The following MAOB variants were observed in gnomAD, a reference collection of about 807,000 sequenced individuals.
The protein encoded by MAOB is monoamine oxidase B, also known as amine oxidase [flavin-containing] B.
In MAOB, 15 loss-of-function variants were observed where a neutral mutation model predicts 41.9. The ratio of observed to expected loss-of-function variants is 0.36; its 90% CI spans 0.24 to 0.55. The LOEUF (loss-of-function observed/expected upper bound fraction) is 0.55, where lower values mean the gene tolerates loss of function less well. Among genes scored for constraint, MAOB ranks in the 20% least tolerant of loss-of-function variants. The pLI is 0.86. For missense variants in MAOB, 345 were observed against 398.7 expected (o/e 0.87, Z 1.15); for synonymous variants, 167 against 144.2 (o/e 1.16, Z -1.13).
intron 1 of MAOB, among the ~76,000 whole-genome samples, chrX:43,860,350 GT>G (rs1369537394): frequency 9.0e-6 from 1 of 111,455 alleles, no homozygotes. Flanking sequence ...GAGCTTTTAA[GT>G]TTCCTTTCCC....
intron 1 of MAOB, among the ~76,000 whole-genome samples, chrX:43,857,175 AGAG>A (rs1479002318): frequency 1.0e-4 from 9 of 88,306 alleles, no homozygotes; most frequent in Non-Finnish European, 1.3e-4. Flanking sequence ...AAGAAGAGAG[AGAG>A]AGAGAGAGAG....
At chrX:43,783,948 T>G (rs890712820) in intron 8 of MAOB, among the ~76,000 whole-genome samples, 1 of 112,261 alleles carries the variant, frequency 8.9e-6, no homozygotes, top group African/African-American at 3.2e-5. Context: ...ATTTCAACAA[T>G]GTTCACAGCA....
intron 1 of MAOB, among the ~76,000 whole-genome samples, chrX:43,854,444 T>G (rs2035275409): frequency 9.0e-6 from 1 of 111,294 alleles, no homozygotes; most frequent in South Asian, 3.9e-4. Flanking sequence ...TTCTTATTCA[T>G]AAGTGGGAGT....
At chrX:43,861,045 G>A (rs2035328564) in intron 1 of MAOB, among the ~76,000 whole-genome samples, 1 of 112,225 alleles carries the variant, frequency 8.9e-6, no homozygotes, top group East Asian at 2.8e-4. Flanking sequence ...GCAGTACTTT[G>A]TAGGTAGCTA....
At chrX:43,771,888 G>A (rs1251499445) in intron 12 of MAOB, among the ~76,000 whole-genome samples, 2 of 111,669 alleles carry the variant, frequency 1.8e-5, no homozygotes, top group Non-Finnish European at 3.8e-5. Flanking sequence ...CCCTTCTTTT[G>A]CAGGTGCGTG....
At chrX:43,796,030 C>A in intron 6 of MAOB, 142 bp from the exon 7 acceptor site, 1 of 625,168 alleles carries the variant, frequency 1.6e-6, no homozygotes, top group South Asian at 4.0e-5. Context: ...CCATGGTTTT[C>A]TAAGTAGGAA....
At chrX:43,813,325 T>C (rs1395996048) in intron 3 of MAOB, among the ~76,000 whole-genome samples, 1 of 112,369 alleles carries the variant, frequency 8.9e-6, no homozygotes, top group Non-Finnish European at 1.9e-5. Context: ...TTGAGTTTCA[T>C]AGCACATAGG....
At chrX:43,799,043 A>G (rs1251067046) in intron 5 of MAOB, among the ~76,000 whole-genome samples, 1 of 111,742 alleles carries the variant, frequency 8.9e-6, no homozygotes, top group East Asian at 2.8e-4. Context: ...ACCAAGGGGC[A>G]TCTCTCTACT....
Position 43,767,514 on chromosome X carries a change from C to T in MAOB, c.1515G>A (p.Thr505=), listed in dbSNP as rs140052190. The change falls in exon 15 of 15, where the codon ACG becomes ACA. Residue 505 remains threonine (T), a synonymous_variant. Transcript: ENST00000378069. ...LIGLTTIFSA[T]ALGFLAHKRG... ...TTTTGTGGGCCAGGAAGCCAAGAGC[C>T]GTTGCTGAAAAGATGGTGGTCAATC... The T allele has an allele frequency of 1.9e-5, 23 of 1,208,807 alleles. No homozygotes were observed. Among genetic ancestry groups the T allele is most frequent in the African/African-American group, 1.6e-4 (9 of 57,043 alleles).
At chrX:43,828,367 A>G (rs2034973886) in intron 3 of MAOB, among the ~76,000 whole-genome samples, 1 of 111,556 alleles carries the variant, frequency 9.0e-6, no homozygotes, top group Admixed American at 9.5e-5. Context: ...GAGCAGCTTT[A>G]ATACTTTTTT....
At chrX:43,837,276 T>C (rs1259075978) in intron 3 of MAOB, among the ~76,000 whole-genome samples, 2 of 112,847 alleles carry the variant, frequency 1.8e-5, no homozygotes, top group Admixed American at 1.9e-4. Context: ...AATCACATTA[T>C]CACCATGGTA....
At chrX:43,829,997 T>C (rs1016621299) in intron 3 of MAOB, among the ~76,000 whole-genome samples, 2 of 111,545 alleles carry the variant, frequency 1.8e-5, no homozygotes, top group African/African-American at 6.5e-5. Context: ...GAACGTAAAA[T>C]CTCTCATTAA....
intron 1 of MAOB, among the ~76,000 whole-genome samples, chrX:43,857,112 TATATAGAG>T (rs1318073668): frequency 1.2e-3 from 18 of 14,987 alleles, no homozygotes; most frequent in East Asian, 3.9e-3. Context: ...TATATATATA[TATATAGAG>T]AGAGAGAGAG....
At chrX:43,776,979 T>A (rs185614648) in intron 11 of MAOB, among the ~76,000 whole-genome samples, 1 of 111,364 alleles carries the variant, frequency 9.0e-6, no homozygotes, top group East Asian at 2.8e-4. Context: ...ATGGTGTATA[T>A]GTGCCACATT....
At chrX:43,818,460 C>T (rs911165702) in intron 3 of MAOB, among the ~76,000 whole-genome samples, 1 of 112,168 alleles carries the variant, frequency 8.9e-6, no homozygotes, top group African/African-American at 3.2e-5. Flanking sequence ...TTCCCAGCTC[C>T]TGCTTCCTCT....
chrX:43,768,514 A>G, intron 14 of MAOB, 140 bp downstream of exon 14: 2 of 480,209 alleles, frequency 4.2e-6, no homozygotes, highest in Non-Finnish European at 7.2e-6. Flanking sequence ...AACCCATGAT[A>G]CTTATTTAAA....
At chrX:43,864,718 A>G (rs972729858) in intron 1 of MAOB, among the ~76,000 whole-genome samples, 1 of 111,517 alleles carries the variant, frequency 9.0e-6, no homozygotes, top group African/African-American at 3.3e-5. Flanking sequence ...GCTCTACTTA[A>G]TGTTTGGAAC....
chrX:43,778,784 A>AG (rs773697091), intron 10 of MAOB, 45 bp from the exon 11 acceptor site: 7 of 1,053,800 alleles, frequency 6.6e-6, no homozygotes, highest in Middle Eastern at 2.7e-4. Context: ...GAAAGAAGGG[A>AG]GGGAAAAAAA....
At chrX:43,868,837 G>A (rs751512155) in intron 1 of MAOB, among the ~76,000 whole-genome samples, 1 of 108,372 alleles carries the variant, frequency 9.2e-6, no homozygotes, top group African/African-American at 3.5e-5. Context: ...CACAGAAAAC[G>A]TAATTTCACA....
Sources: allele counts gnomAD v4.1 joint callset (sites outside exome capture counted in the v4.1 genomes callset), GRCh38; gene constraint gnomAD v4.1.1; transcripts MANE v1.5; gene names NCBI Gene and HGNC (gene_info 2026-07-23, HGNC 2026-07-21).